Variants in MUC5B observed in about 807,000 individuals in gnomAD.
MUC5B encodes mucin 5B, oligomeric mucus/gel-forming, also known as mucin-5B.
MUC5B carries 116 observed loss-of-function variants against 376.9 expected under a neutral mutation model. The ratio of observed to expected loss-of-function variants is 0.31; its 90% CI spans 0.26 to 0.36. The LOEUF is 0.36. Ranked by LOEUF, MUC5B falls within the 10% of genes least tolerant of loss-of-function variation. The pLI is 1.00. For synonymous variants in MUC5B, 3,517 were observed against 3,390.9 expected, an observed-to-expected ratio of 1.04 and a Z score of -1.29; for missense variants, 7,165 against 7,769.9, an observed-to-expected ratio of 0.92 and a Z score of 2.93.
chr11:1,242,528 G>C lies in MUC5B; in HGVS notation c.5648G>C (p.Ser1883Thr). Residue 1883 changes from serine to threonine, a missense_variant, in exon 31 of 49, where the codon AGC (serine) becomes ACC (threonine). By Grantham distance (58) the Ser-to-Thr change is moderately conservative (BLOSUM62 1). This residue lies in a region of MUC5B where 897 missense variants were observed against 779.6 expected (regional missense o/e 1.15). Coordinates refer to ENST00000529681, the MANE Select transcript of MUC5B (RefSeq NM_002458.3). ...NVRVLCCDDY[S>T]HCPSTPATSS... ...CGTGTGCTTTGCTGTGACGACTACA[G>C]CCACTGCCCCAGTACCCCAGCCACC... is the stretch of plus-strand genomic sequence containing the variant. 3.1e-6 allele frequency: 5 copies of C among 1,613,750 alleles called. No individual in the cohort carries two copies. Among genetic ancestry groups the C allele is most frequent in the Non-Finnish European group, 4.2e-6 (5 of 1,179,800 alleles).
Position 1,236,745 on chromosome 11 carries a change from G to A in MUC5B, c.3058-180G>A, listed in dbSNP as rs56286969. 0.068 allele frequency among the ~76,000 whole-genome samples: 10,280 copies of A among 152,164 alleles called. 504 individuals are homozygous for A. Among genetic ancestry groups the A allele is most frequent in the Non-Finnish European group, 0.11 (7,476 of 67,968 alleles). The stretch of plus-strand genomic sequence containing the variant: ...TGCAGGGAAGCAGGTGCCACCCAGC[G>A]GCCCACCCAGGGACCCACTGCACAC... On this transcript the variant is annotated intron_variant, in intron 24 of 48. Transcript: ENST00000529681.
chr11:1,253,256 A>G lies in MUC5B; in HGVS notation c.15217+276A>G, dbSNP rs932155629. ...CACGTCGTGAGAGCTGTTAGTATGC[A>G]GGCTCCGTGTCCACAGGGCTGAAAA... On this transcript the variant is annotated intron_variant, in intron 33 of 48. Coordinates refer to ENST00000529681, the MANE Select transcript of MUC5B (RefSeq NM_002458.3). This position sits in a 1 kb window ranked among gnomAD's most constrained non-coding sequence, Gnocchi z 4.3. Among the ~76,000 whole-genome samples the G allele has an allele frequency of 2.6e-5, 4 of 152,072 alleles. No individual in the cohort carries two copies. The highest frequency in any genetic ancestry group is 7.2e-5 in the African/African-American group (3 of 41,384).
intron 25 of MUC5B, among the ~76,000 whole-genome samples, 192 bp from the exon 26 acceptor site, chr11:1,238,679 G>C (rs1862207253): frequency 6.6e-6 from 1 of 152,208 alleles, no homozygotes; most frequent in African/African-American, 2.4e-5. Context: ...CGAGGGCACA[G>C]GTGGGCTGGA....
Position 1,258,985 on chromosome 11 carries a change from C to T in MUC5B, c.16637C>T (p.Thr5546Ile). Residue 5546 changes from threonine (T) to isoleucine (I), a missense_variant, in exon 44 of 49, where the codon ACC (threonine) becomes ATC (isoleucine). By Grantham distance (89) the Thr-to-Ile change is moderately conservative. Around this residue, in one of 31 missense-constraint regions of MUC5B, gnomAD observed 842 missense variants for 1,016.9 expected, o/e 0.83. Transcript: ENST00000529681. This position sits in a 1 kb window ranked among gnomAD's most constrained non-coding sequence, Gnocchi z 5.5. Reference protein sequence around the residue: ...FPGALPCHMCTCLSGDTQDPT... With the variant: ...FPGALPCHMCICLSGDTQDPT... ...GGCGCCCTTCCCTGCCACATGTGTA[C>T]CTGCCTCTCTGGGGACACCCAGGAC... 1 of 1,558,610 alleles carries T rather than the reference C, an allele frequency of 6.4e-7. No individual in the cohort carries two copies. The highest frequency in any genetic ancestry group is 8.7e-7 in the Non-Finnish European group (1 of 1,152,172).
chr11:1,252,295 A>C, intron 31 of MUC5B, 48 bp from the exon 32 acceptor site: 10 of 1,499,418 alleles, frequency 6.7e-6, no homozygotes, highest in Non-Finnish European at 8.9e-6. Flanking sequence ...ACTCTGGCTT[A>C]CCCATCTCTG....
At position 1,258,412 on chromosome 11, in the gene MUC5B, T is replaced by A. The variant is rs763223807; in HGVS notation, c.16593+45T>A. 1.9e-6 allele frequency: 3 copies of A among 1,604,914 alleles called. No individual in the cohort carries two copies. In the South Asian group the frequency reaches 3.3e-5, roughly 18 times the overall value. ...TGGGTGTGGCCCTGGGGCCTGAACA[T>A]GTGTGTGGGATGCCCCGGGGCTCTC... is the stretch of plus-strand genomic sequence containing the variant. On this transcript the variant is annotated intron_variant, in intron 43 of 48. Transcript: ENST00000529681. This position sits in a 1 kb window ranked among gnomAD's most constrained non-coding sequence, Gnocchi z 5.5.
Position 1,249,732 on chromosome 11 carries a change from C to A in MUC5B, c.12852C>A (p.Ser4284Arg), listed in dbSNP as rs777809039. Residue 4284 changes from serine to arginine, a missense_variant, in exon 31 of 49, where the codon AGC becomes AGA. Ser to Arg is a moderately radical substitution (Grantham distance 110). Transcript: ENST00000529681. ...CTCCCCCTCCCAAAGTGCTGACCAG[C>A]CCGGCCACCACACCCACAGCCACCA... is the stretch of plus-strand genomic sequence containing the variant. ...GTAPPPKVLTSPATTPTATSS... is the reference protein window; with the variant it reads ...GTAPPPKVLTRPATTPTATSS... 7 of 1,610,718 alleles carry A rather than the reference C, an allele frequency of 4.3e-6. No homozygotes were observed. Among genetic ancestry groups the A allele is most frequent in the Non-Finnish European group, 5.1e-6 (6 of 1,178,190 alleles).
intron 17 of MUC5B, 35 bp from the exon 18 acceptor site, chr11:1,232,978 C>T (rs571440336): frequency 1.2e-5 from 18 of 1,533,250 alleles, no homozygotes; most frequent in African/African-American, 2.7e-5. Flanking sequence ...GCTGCTCGGC[C>T]GCTGACCTGT....
chr11:1,234,789 C>A lies in MUC5B; in HGVS notation c.2630+109C>A. 1 of 1,057,988 alleles carries A rather than the reference C, an allele frequency of 9.5e-7. No individual in the cohort carries two copies. 65.5% of individuals were successfully genotyped at this position (1,057,988 alleles called of 1,614,324 possible). A position where few individuals can be genotyped will look rare whatever the true frequency, so the allele number is the denominator to read the frequency against. On this transcript the variant is annotated intron_variant, in intron 21 of 48. Coordinates refer to ENST00000529681, the MANE Select transcript of MUC5B (RefSeq NM_002458.3). The surrounding 1 kb of genome is among the most constrained non-coding windows in gnomAD (Gnocchi z 6.3). ...GGCAGGGGGCGGGGAGGGCAGGGGG[C>A]CAGCTGGCCAGGGTGAGGTGGGGCC...
Position 1,240,056 on chromosome 11 carries a change from C to T in MUC5B, c.3740C>T (p.Pro1247Leu). The change falls in exon 29 of 49, where the codon CCC becomes CTC. Residue 1247 changes from proline (P) to leucine (L), a missense_variant. Coordinates refer to ENST00000529681, the MANE Select transcript of MUC5B (RefSeq NM_002458.3). The part of the protein sequence containing the change: ...AENCQSCNCT[P>L]SGIQCAHSLE... ...TCCCCCACCCCTAGTAACTGCACAC[C>T]CAGTGGCATCCAGTGCGCTCACAGC... 2 of 1,570,732 alleles carry T rather than the reference C, an allele frequency of 1.3e-6. No individual in the cohort carries two copies. The highest frequency in any genetic ancestry group is 8.6e-7 in the Non-Finnish European group (1 of 1,157,586).
Position 1,235,331 on chromosome 11 carries a change from G to T in MUC5B, c.2798G>T (p.Gly933Val). ...TACTGTGGGGACAACACCACCCACG[G>T]GACCTTCCGCATCGTCACCGAGAAC... Reference protein sequence around the residue: ...QDYCGDNTTHGTFRIVTENIP... With the variant: ...QDYCGDNTTHVTFRIVTENIP... Residue 933 changes from glycine (G) to valine (V), a missense_variant, in exon 23 of 49, where the codon GGG becomes GTG. By Grantham distance (109) the Gly-to-Val change is moderately radical. Transcript: ENST00000529681. The T allele has an allele frequency of 6.2e-7, 1 of 1,612,922 alleles. No individual in the cohort carries two copies. Among genetic ancestry groups the T allele is most frequent in the African/African-American group, 1.3e-5 (1 of 75,004 alleles).
rs748618196 is a variant in MUC5B, at chr11:1,244,826, C to A, written c.7946C>A (p.Pro2649His). The change falls in exon 31 of 49, where the codon CCC becomes CAC. Residue 2649 changes from proline to histidine, a missense_variant. Coordinates refer to ENST00000529681, the MANE Select transcript of MUC5B (RefSeq NM_002458.3). ...TPTTRGSTVTPSSIPGTTHTP... is the reference protein window; with the variant it reads ...TPTTRGSTVTHSSIPGTTHTP... ...ACAACCAGAGGTTCCACGGTGACCC[C>A]CTCCTCCATCCCGGGGACCACCCAC... The A allele has an allele frequency of 3.7e-6, 6 of 1,613,700 alleles. No individual in the cohort carries two copies. Among genetic ancestry groups the A allele is most frequent in the South Asian group, 1.1e-5 (1 of 91,064 alleles).
Position 1,231,023 on chromosome 11 carries a change from G to A in MUC5B, c.1540+18G>A, listed in dbSNP as rs766220888. 11 of 1,575,174 alleles carry A rather than the reference G, an allele frequency of 7.0e-6. No individual in the cohort carries two copies. In the African/African-American group the frequency reaches 1.4e-4, roughly 19 times the overall value. On this transcript the variant is annotated intron_variant, in intron 13 of 48. Coordinates refer to ENST00000529681, the MANE Select transcript of MUC5B (RefSeq NM_002458.3). ...GTCGGCAGGTATGTGGCTCTCCCAGGACGGCCGGGCTGGGTGGCGCCTGCT... is the reference window on the plus strand; with the variant it reads ...GTCGGCAGGTATGTGGCTCTCCCAGAACGGCCGGGCTGGGTGGCGCCTGCT...
intron 17 of MUC5B, 35 bp downstream of exon 17, chr11:1,232,805 A>G (rs1329811843): frequency 1.9e-6 from 3 of 1,558,542 alleles, no homozygotes; most frequent in South Asian, 2.4e-5. Context: ...ATGTGTCCAC[A>G]CCGCGTGGGG....
intron 2 of MUC5B, 145 bp from the exon 3 acceptor site, chr11:1,226,060 G>A: frequency 1.3e-6 from 1 of 794,918 alleles, no homozygotes; most frequent in Admixed American, 2.6e-5. Context: ...CAGGGCCAAG[G>A]GTAAAGGGGC....
In MUC5B at chr11:1,236,370, T is replaced by C. The variant is rs1397324755; in HGVS notation, c.2881-16T>C. The stretch of plus-strand genomic sequence containing the variant: ...GCCACAGGGTCGGCTTCCGGCAGCG[T>C]CTGCCTCCCCTGCAGAGCTACGAGC... On this transcript the variant is annotated splice_polypyrimidine_tract_variant and intron_variant, in intron 23 of 48. Transcript: ENST00000529681. 8.8e-6 allele frequency: 14 copies of C among 1,593,866 alleles called. No homozygotes were observed. Among genetic ancestry groups the C allele is most frequent in the Non-Finnish European group, 1.1e-5 (13 of 1,166,502 alleles).
At chr11:1,229,059 T>C (rs1436324084) in intron 8 of MUC5B, 111 bp from the exon 9 acceptor site, 1 of 1,317,638 alleles carries the variant, frequency 7.6e-7, no homozygotes, top group Non-Finnish European at 1.0e-6. Flanking sequence ...GGCCTAGCTC[T>C]GGCTTCTGTG....
chr11:1,250,247 C>T lies in MUC5B; in HGVS notation c.13367C>T (p.Thr4456Ile), dbSNP rs755933934. Residue 4456 changes from threonine (T) to isoleucine (I), a missense_variant, in exon 31 of 49, where the codon ACA (threonine) becomes ATA (isoleucine). By Grantham distance (89) the Thr-to-Ile change is moderately conservative. This residue lies in a region of MUC5B where 431 missense variants were observed against 390.4 expected (regional missense o/e 1.10). Coordinates refer to ENST00000529681, the MANE Select transcript of MUC5B (RefSeq NM_002458.3). Reference protein sequence around the residue: ...TTWILTEPSTTATVTVPTGST... With the variant: ...TTWILTEPSTIATVTVPTGST... ...TGGATCCTCACAGAGCCGAGCACTA[C>T]AGCCACCGTGACGGTGCCCACCGGA... The T allele has an allele frequency of 1.6e-4, 253 of 1,612,664 alleles. 1 individual carries two copies. Among genetic ancestry groups the T allele is most frequent in the South Asian group, 1.0e-3 (92 of 91,040 alleles).
Position 1,233,091 on chromosome 11 carries a change from T to C in MUC5B, c.2144T>C (p.Leu715Pro). The C allele has an allele frequency of 6.2e-7, 1 of 1,607,698 alleles. No individual in the cohort carries two copies. Residue 715 changes from leucine (L) to proline (P), a missense_variant, in exon 18 of 49, where the codon CTG becomes CCG. Around this residue, in one of 31 missense-constraint regions of MUC5B, gnomAD observed 530 missense variants for 604.0 expected, o/e 0.88. Transcript: ENST00000529681. ...VDACQPTCRG[L>P]SEADVTCSVS... ...GCCTGCCAGCCCACTTGCCGCGGCC[T>C]GAGTGAGGCCGACGTCACCTGCAGC...
Sources: allele counts gnomAD v4.1 joint callset (sites outside exome capture counted in the v4.1 genomes callset), GRCh38; gene constraint gnomAD v4.1.1; regional missense constraint gnomAD v4.1.1; non-coding constraint Gnocchi (gnomAD v3.1); transcripts MANE v1.5; gene names NCBI Gene and HGNC (gene_info 2026-07-23, HGNC 2026-07-21).